Variants in GRK3 observed in about 807,000 individuals in gnomAD.
GRK3 encodes the protein adrenergic, beta, receptor kinase 2.
Under a neutral mutation model 95.7 loss-of-function variants are expected in GRK3, and 54 were observed. The ratio of observed to expected loss-of-function variants is 0.56; its 90% CI spans 0.45 to 0.71. The LOEUF is 0.71. GRK3 is among the 30% of genes least tolerant of loss of function. GRK3 has a pLI of 0.00. For synonymous variants in GRK3, 281 were observed against 290.8 expected, an observed-to-expected ratio of 0.97 and a Z score of 0.34; for missense variants, 649 against 851.2, an observed-to-expected ratio of 0.76 and a Z score of 2.96.
rs1482449114 is a variant in GRK3, at chr22:25,650,547, G to A, written c.264+5882G>A. 2.6e-5 allele frequency among the ~76,000 whole-genome samples: 4 copies of A among 152,220 alleles called. No homozygotes were observed. In the East Asian group the frequency reaches 7.7e-4, roughly 29 times the overall value. On this transcript the variant is annotated intron_variant, in intron 3 of 20. Transcript: ENST00000324198. Reference sequence around the variant, plus strand: ...ACTTGAATGCACTTTTGCTCATGTCGAAATAGATGAACAGAGAGAGTAAAA... The same window carrying A: ...ACTTGAATGCACTTTTGCTCATGTCAAAATAGATGAACAGAGAGAGTAAAA...
intron 5 of GRK3, among the ~76,000 whole-genome samples, chr22:25,666,697 C>T (rs1197639851): frequency 3.9e-5 from 6 of 152,074 alleles, no homozygotes; most frequent in Non-Finnish European, 5.9e-5. Context: ...GTGGCTTCTG[C>T]AGACTTCCTA....
At position 25,722,573 on chromosome 22, in the gene GRK3, G is replaced by A. The variant is rs894933221; in HGVS notation, c.*123G>A. The A allele has an allele frequency of 4.0e-5, 39 of 984,910 alleles. No individual in the cohort carries two copies. Among genetic ancestry groups the A allele is most frequent in the African/African-American group, 3.1e-4 (19 of 61,054 alleles). The allele number at this position is 984,910 out of a possible 1,614,324, so 61.0% of individuals were successfully genotyped here. On this transcript the variant is annotated 3_prime_UTR_variant, in exon 21 of 21. Coordinates refer to ENST00000324198, the MANE Select transcript of GRK3 (RefSeq NM_005160.4). ...CTCCTCCAGGCTCCCGAGAGGAGTCGGGACCCTTCGGCTTGGGGTCAGCTC... is the reference window on the plus strand; with the variant it reads ...CTCCTCCAGGCTCCCGAGAGGAGTCAGGACCCTTCGGCTTGGGGTCAGCTC...
At chr22:25,624,044 T>G (rs2146360844) in intron 2 of GRK3, among the ~76,000 whole-genome samples, 1 of 152,306 alleles carries the variant, frequency 6.6e-6, no homozygotes, top group Admixed American at 6.5e-5. Context: ...ATTCCGAAGC[T>G]TTCCTAAGCC....
At chr22:25,721,981 A>G (rs1326288000) in intron 20 of GRK3, among the ~76,000 whole-genome samples, 1 of 152,214 alleles carries the variant, frequency 6.6e-6, no homozygotes, top group African/African-American at 2.4e-5. Flanking sequence ...CTTCCCCTAT[A>G]TTATTATAGA....
In GRK3 at chr22:25,661,604, A is replaced by T; in HGVS notation, c.293A>T (p.Glu98Val). 1 of 1,612,918 alleles carries T rather than the reference A, an allele frequency of 6.2e-7. No homozygotes were observed. Among genetic ancestry groups the T allele is most frequent in the Non-Finnish European group, 8.5e-7 (1 of 1,179,232 alleles). ...EIKEYEKLDNEEDRLCRSRQI... is the reference protein window; with the variant it reads ...EIKEYEKLDNVEDRLCRSRQI... ...AAGGAATATGAAAAACTTGATAATG[A>T]GGAAGACCGCCTTTGCAGAAGTCGA... The change falls in exon 4 of 21, where the codon GAG (glutamate) becomes GTG (valine). Residue 98 changes from glutamate to valine, a missense_variant. By Grantham distance (121) the Glu-to-Val change is moderately radical (BLOSUM62 -2). Transcript: ENST00000324198.
intron 1 of GRK3, among the ~76,000 whole-genome samples, chr22:25,595,264 A>G (rs1340054319): frequency 2.6e-5 from 4 of 152,200 alleles, no homozygotes; most frequent in Admixed American, 1.3e-4. Context: ...AACCCTAAAG[A>G]CTCTGCCAAA....
At chr22:25,648,561 G>A (rs2084804235) in intron 3 of GRK3, 4 of 1,411,698 alleles carry the variant, frequency 2.8e-6, no homozygotes, top group Non-Finnish European at 4.0e-6. Flanking sequence ...TTTTCTTCAA[G>A]AAGCTCAGGT....
chr22:25,604,849 T>G (rs192790067), intron 2 of GRK3, among the ~76,000 whole-genome samples: 1 of 152,070 alleles, frequency 6.6e-6, no homozygotes, highest in Admixed American at 6.5e-5. Context: ...AAATTAAAGT[T>G]CCCTAGAACT....
At chr22:25,685,288 T>C in intron 10 of GRK3, 40 bp downstream of exon 10, 1 of 1,464,388 alleles carries the variant, frequency 6.8e-7, no homozygotes. Flanking sequence ...TTGAAAGACT[T>C]TGCCATGATG....
intron 6 of GRK3, among the ~76,000 whole-genome samples, chr22:25,668,660 G>A (rs2084958525): frequency 6.6e-6 from 1 of 152,182 alleles, no homozygotes; most frequent in Admixed American, 6.5e-5. Context: ...CAGGAACTTT[G>A]CCAAAAAGCG....
In GRK3 at chr22:25,726,223, A is replaced by G. The variant is rs2085472893; in HGVS notation, c.*3773A>G. 6.6e-6 allele frequency: 1 copy of G among 152,048 alleles called. No homozygotes were observed. Among genetic ancestry groups the G allele is most frequent in the South Asian group, 2.1e-4 (1 of 4,814 alleles). 9.4% of individuals were successfully genotyped at this position (152,048 alleles called of 1,614,324 possible). A position where few individuals can be genotyped will look rare whatever the true frequency, so the allele number is the denominator to read the frequency against. Reference sequence around the variant, plus strand: ...GTTTTTCTCTGCTTTTTAAAATTTCACTCGGAATTTGTAGCTGGGCCAATT... The same window carrying G: ...GTTTTTCTCTGCTTTTTAAAATTTCGCTCGGAATTTGTAGCTGGGCCAATT... On this transcript the variant is annotated 3_prime_UTR_variant, in exon 21 of 21. Transcript: ENST00000324198.
chr22:25,699,607 T>C lies in GRK3; in HGVS notation c.1161-3903T>C, dbSNP rs952749799. ...GTGAGGACCACTGCCCCAGAGCAAA[T>C]GCCCCTCCCTCCTCCCACAGCTGTG... On this transcript the variant is annotated intron_variant, in intron 13 of 20. Transcript: ENST00000324198. Among the ~76,000 whole-genome samples, 53 of 152,050 alleles carry C rather than the reference T, an allele frequency of 3.5e-4. No homozygotes were observed. In the Middle Eastern group the frequency reaches 0.014, roughly 39 times the overall value.
At chr22:25,688,324 G>C (rs1385382624) in intron 11 of GRK3, among the ~76,000 whole-genome samples, 1 of 151,444 alleles carries the variant, frequency 6.6e-6, no homozygotes, top group Non-Finnish European at 1.5e-5. Flanking sequence ...TGTTCACTAA[G>C]CAACTGATTT....
chr22:25,644,537 G>A (rs1601496554), intron 2 of GRK3, 55 bp from the exon 3 acceptor site: 1 of 834,680 alleles, frequency 1.2e-6, no homozygotes, highest in East Asian at 2.7e-5. Context: ...ACACCCTTGT[G>A]GGATAAAATT....
At chr22:25,638,787 A>G (rs974049725) in intron 2 of GRK3, among the ~76,000 whole-genome samples, 1 of 152,202 alleles carries the variant, frequency 6.6e-6, no homozygotes, top group Non-Finnish European at 1.5e-5. Flanking sequence ...GGGGGACCCA[A>G]GGTATTGTCC....
intron 3 of GRK3, among the ~76,000 whole-genome samples, chr22:25,651,275 T>C (rs1325584258): frequency 6.6e-6 from 1 of 152,216 alleles, no homozygotes; most frequent in Non-Finnish European, 1.5e-5. Flanking sequence ...TCTCTTACAG[T>C]CACACCTTAA....
At chr22:25,673,673 T>C (rs925690210) in intron 7 of GRK3, among the ~76,000 whole-genome samples, 1 of 152,118 alleles carries the variant, frequency 6.6e-6, no homozygotes, top group Non-Finnish European at 1.5e-5. Context: ...ACCCTTAATT[T>C]GCCAGGATAT....
chr22:25,630,765 A>G (rs1421434939), intron 2 of GRK3, among the ~76,000 whole-genome samples: 1 of 152,242 alleles, frequency 6.6e-6, no homozygotes, highest in African/African-American at 2.4e-5. Flanking sequence ...TATCTAAATG[A>G]ATGATCCCAT....
At chr22:25,680,011 T>G (rs1316363653) in intron 9 of GRK3, among the ~76,000 whole-genome samples, 1 of 152,228 alleles carries the variant, frequency 6.6e-6, no homozygotes, top group Non-Finnish European at 1.5e-5. Context: ...ATCTCTAGAC[T>G]TTTTGGCCAG....
Sources: gnomAD v4.1 joint callset for allele counts (sites outside exome capture counted in the v4.1 genomes callset) on GRCh38, gnomAD v4.1.1 for gene constraint, MANE v1.5 for transcripts, NCBI Gene and HGNC (gene_info 2026-07-23, HGNC 2026-07-21) for gene names.